Variants in CBX6 observed in about 807,000 individuals in gnomAD.
The protein encoded by CBX6 is chromobox 6, also known as chromobox protein homolog 6.
A neutral mutation model predicts 28.4 loss-of-function variants in CBX6; 7 were observed. The ratio of observed to expected loss-of-function variants is 0.25; its 90% CI spans 0.14 to 0.46. The LOEUF (loss-of-function observed/expected upper bound fraction) is 0.46. Among genes scored for constraint, CBX6 ranks in the 20% least tolerant of loss-of-function variants. The pLI is 0.99. For synonymous variants in CBX6, 297 were observed against 273.4 expected (o/e 1.09, Z -0.85); for missense variants, 512 against 606.1 (o/e 0.84, Z 1.63).
chr22:38,866,593 G>A lies in CBX6; in HGVS notation c.855C>T (p.Ser285=), dbSNP rs1441947092. Residue 285 remains serine (S), a synonymous_variant, in exon 5 of 5, where the codon TCC becomes TCT. Transcript: ENST00000407418. This position sits in a 1 kb window ranked among gnomAD's most constrained non-coding sequence, Gnocchi z 7.5. ...TGGGGGGCGTGTCGTCGGGGTCAGA[G>A]GACTGTGGTGTAGGCGAGGGGCAGC... is the stretch of plus-strand genomic sequence containing the variant. ...SSGCPSPTPQ[S]SDPDDTPPKL... 2 of 1,568,536 alleles carry A rather than the reference G, an allele frequency of 1.3e-6. No homozygotes were observed. Among genetic ancestry groups the A allele is most frequent in the Non-Finnish European group, 1.7e-6 (2 of 1,164,168 alleles).
rs1161971257 is a variant in CBX6, at chr22:38,862,243, A to C, written c.*3966T>G. ...CTGGGAGGGGGCATCTTTGGCCCCC[A>C]CTAACCATCTCCCTATTTCTGCATC... On this transcript the variant is annotated 3_prime_UTR_variant, in exon 5 of 5. Transcript: ENST00000407418. 1 of 152,254 alleles carries C rather than the reference A, an allele frequency of 6.6e-6. No homozygotes were observed. The highest frequency in any genetic ancestry group is 1.5e-5 in the Non-Finnish European group (1 of 68,072). The allele number at this position is 152,254 out of a possible 1,614,324, so 9.4% of individuals were successfully genotyped here. A position where few individuals can be genotyped will look rare whatever the true frequency, so the allele number is the denominator to read the frequency against.
chr22:38,866,491 G>C lies in CBX6; in HGVS notation c.957C>G (p.Pro319=). The C allele has an allele frequency of 1.9e-6, 3 of 1,594,030 alleles. No individual in the cohort carries two copies. The highest frequency in any genetic ancestry group is 1.3e-5 in the African/African-American group (1 of 74,876). The change falls in exon 5 of 5, where the codon CCC becomes CCG. Residue 319 remains proline (P), a synonymous_variant. Transcript: ENST00000407418. This position sits in a 1 kb window ranked among gnomAD's most constrained non-coding sequence, Gnocchi z 7.5. ...EPEVLDLSLP[P]ESAATSKRAP... ...CCCGCTTGCTGGTGGCTGCCGACTC[G>C]GGAGGGAGGGACAGGTCGAGCACCT...
chr22:38,866,270 T>G lies in CBX6; in HGVS notation c.1178A>C (p.Lys393Thr). Residue 393 changes from lysine to threonine, a missense_variant, in exon 5 of 5, where the codon AAG (lysine) becomes ACG (threonine). Around this residue, in one of 7 missense-constraint regions of CBX6, gnomAD observed 33 missense variants for 35.3 expected, o/e 0.94. Transcript: ENST00000407418. This position sits in a 1 kb window ranked among gnomAD's most constrained non-coding sequence, Gnocchi z 7.5. The stretch of plus-strand genomic sequence containing the variant: ...GGCGCCTGCTACCCCAGCAGCCACC[T>G]TCTCGAAATCCTCAGGGTTGCAGAA... ...KEFCNPEDFE[K>T]VAAGVAGAAG... The G allele has an allele frequency of 6.2e-7, 1 of 1,613,570 alleles. No homozygotes were observed. Among genetic ancestry groups the G allele is most frequent in the Non-Finnish European group, 8.5e-7 (1 of 1,179,716 alleles).
Position 38,867,077 on chromosome 22 carries a change from C to T in CBX6, c.371G>A (p.Arg124His), listed in dbSNP as rs1032873482. ...AAVHRLKKDI[R>H]RCHRMSRRPL... ...ACGGCGGGACATACGGTGGCAGCGGCGGATGTCCTTCTTGAGCCGGTGCAC... is the reference window on the plus strand; with the variant it reads ...ACGGCGGGACATACGGTGGCAGCGGTGGATGTCCTTCTTGAGCCGGTGCAC... The change falls in exon 5 of 5, where the codon CGC becomes CAC. Residue 124 changes from arginine (R) to histidine (H), a missense_variant. Transcript: ENST00000407418. 16 of 1,602,762 alleles carry T rather than the reference C, an allele frequency of 1.0e-5. No homozygotes were observed. Among genetic ancestry groups the T allele is most frequent in the African/African-American group, 1.3e-5 (1 of 74,680 alleles).
Position 38,872,053 on chromosome 22 carries a change from T to A in CBX6, c.69+69A>T, listed in dbSNP as rs1367323832. 1.5e-6 allele frequency: 2 copies of A among 1,301,208 alleles called. No homozygotes were observed. The highest frequency in any genetic ancestry group is 3.1e-5 in the African/African-American group (2 of 63,508). 80.6% of individuals were successfully genotyped at this position (1,301,208 alleles called of 1,614,324 possible). A position where few individuals can be genotyped will look rare whatever the true frequency, so the allele number is the denominator to read the frequency against. ...AGGGAGCCGGGCTAGCGGGACCGCT[T>A]CGCCCCGAGGGCCCCCGGCCCCGGC... On this transcript the variant is annotated intron_variant, in intron 1 of 4. Coordinates refer to ENST00000407418, the MANE Select transcript of CBX6 (RefSeq NM_014292.5). This position sits in a 1 kb window ranked among gnomAD's most constrained non-coding sequence, Gnocchi z 5.0.
In CBX6 at chr22:38,867,339, T is replaced by A. The variant is rs977230353; in HGVS notation, c.247-138A>T. ...CATTTAAGATAATCACTGGTCTTCA[T>A]GACCTCGACTTAGAAAAGGAAACAG... On this transcript the variant is annotated intron_variant, in intron 4 of 4. Transcript: ENST00000407418. 3.9e-6 allele frequency: 3 copies of A among 766,832 alleles called. No individual in the cohort carries two copies. The Admixed American group carries it at 9.0e-5, about 23-fold the overall frequency. The allele number at this position is 766,832 out of a possible 1,614,324, so 47.5% of individuals were successfully genotyped here.
chr22:38,866,469 G>A lies in CBX6; in HGVS notation c.979C>T (p.Arg327Trp), dbSNP rs901396555. The change falls in exon 5 of 5, where the codon CGG becomes TGG. Residue 327 changes from arginine to tryptophan, a missense_variant. Physicochemically the swap from Arg to Trp is moderately radical, Grantham distance 101 (BLOSUM62 -3). Coordinates refer to ENST00000407418, the MANE Select transcript of CBX6 (RefSeq NM_014292.5). This position sits in a 1 kb window ranked among gnomAD's most constrained non-coding sequence, Gnocchi z 7.5. ...LPPESAATSK[R>W]APPEVTAAAG... ...GCAGCTGTGACCTCAGGCGGTGCCC[G>A]CTTGCTGGTGGCTGCCGACTCGGGA... The A allele has an allele frequency of 1.2e-5, 19 of 1,602,560 alleles. No homozygotes were observed. The highest frequency in any genetic ancestry group is 4.0e-5 in the African/African-American group (3 of 74,864).
chr22:38,868,795 T>A (rs537583703), intron 4 of CBX6, among the ~76,000 whole-genome samples: 3 of 152,136 alleles, frequency 2.0e-5, no homozygotes, highest in Non-Finnish European at 4.4e-5. Context: ...CCCCACAGCA[T>A]TGGATGCTTA....
chr22:38,866,133 C>G lies in CBX6; in HGVS notation c.*76G>C, dbSNP rs1474320136. On this transcript the variant is annotated 3_prime_UTR_variant, in exon 5 of 5. Transcript: ENST00000407418. The surrounding 1 kb of genome is among the most constrained non-coding windows in gnomAD (Gnocchi z 7.5). ...AAGCACAGGGAGAGAGGGCTGGGGGCAAGGGTGGGGTGGGAGCAAGAGTAT... is the reference window on the plus strand; with the variant it reads ...AAGCACAGGGAGAGAGGGCTGGGGGGAAGGGTGGGGTGGGAGCAAGAGTAT... 1.1e-5 allele frequency: 12 copies of G among 1,061,058 alleles called. No individual in the cohort carries two copies. In the East Asian group the frequency reaches 2.6e-4, roughly 23 times the overall value. The allele number at this position is 1,061,058 out of a possible 1,614,324, so 65.7% of individuals were successfully genotyped here. A position where few individuals can be genotyped will look rare whatever the true frequency, so the allele number is the denominator to read the frequency against.
Position 38,871,435 on chromosome 22 carries a change from C to A in CBX6, c.246+45G>T. The A allele has an allele frequency of 6.4e-7, 1 of 1,561,812 alleles. No individual in the cohort carries two copies. Among genetic ancestry groups the A allele is most frequent in the South Asian group, 1.2e-5 (1 of 85,760 alleles). On this transcript the variant is annotated intron_variant, in intron 4 of 4. Coordinates refer to ENST00000407418, the MANE Select transcript of CBX6 (RefSeq NM_014292.5). This position sits in a 1 kb window ranked among gnomAD's most constrained non-coding sequence, Gnocchi z 5.6. ...TTCCAGGCCCCGTGCTGTGCCGGGG[C>A]TGGGGGCCCGAGAGGGGGATGCTGC...
Position 38,871,925 on chromosome 22 carries a change from C to T in CBX6, c.90G>A (p.Val30=), listed in dbSNP as rs1374151577. 4 of 1,543,284 alleles carry T rather than the reference C, an allele frequency of 2.6e-6. No homozygotes were observed. In the Admixed American group the frequency reaches 7.9e-5, roughly 31 times the overall value. Residue 30 remains valine, a synonymous_variant, in exon 2 of 5, where the codon GTG becomes GTA. Transcript: ENST00000407418. This position sits in a 1 kb window ranked among gnomAD's most constrained non-coding sequence, Gnocchi z 5.6. Reference sequence around the variant, plus strand: ...ACTTGATCGCCCACCCCTTCCATTTCACCAGGTACTCGATGCGTCCCTGAA... The same window carrying T: ...ACTTGATCGCCCACCCCTTCCATTTTACCAGGTACTCGATGCGTCCCTGAA... ...RIRKGRIEYL[V]KWKGWAIKYS... is the part of the protein sequence containing the mutation.
At position 38,867,002 on chromosome 22, in the gene CBX6, G is replaced by A. The variant is rs2093172064; in HGVS notation, c.446C>T (p.Pro149Leu). The change falls in exon 5 of 5, where the codon CCC becomes CTC. Residue 149 changes from proline (P) to leucine (L), a missense_variant. Physicochemically the swap from Pro to Leu is moderately conservative, Grantham distance 98. This residue lies in a region of CBX6 where 123 missense variants were observed against 138.1 expected (regional missense o/e 0.89). Transcript: ENST00000407418. ...CACCGTCTCCGAGAAGGGCGAAATG[G>A]GCGGGCGCAGTCCGGGGCTGCCCCC... ...PQGGSPGLRP[P>L]ISPFSETVRI... 3.1e-6 allele frequency: 5 copies of A among 1,607,398 alleles called. No homozygotes were observed. The East Asian group carries it at 8.9e-5, about 29-fold the overall frequency.
chr22:38,861,886 G>A lies in CBX6; in HGVS notation c.*4323C>T, dbSNP rs1327032611. The A allele has an allele frequency of 6.6e-6, 1 of 152,164 alleles. No homozygotes were observed. The highest frequency in any genetic ancestry group is 1.5e-5 in the Non-Finnish European group (1 of 68,034). 9.4% of individuals were successfully genotyped at this position (152,164 alleles called of 1,614,324 possible). ...CCTCCCCAAATATAGAGCTATATAT[G>A]TATATTTTATATATATAGAATTCAT... is the stretch of plus-strand genomic sequence containing the variant. On this transcript the variant is annotated 3_prime_UTR_variant, in exon 5 of 5. Coordinates refer to ENST00000407418, the MANE Select transcript of CBX6 (RefSeq NM_014292.5).
In CBX6 at chr22:38,867,115, G is replaced by A; in HGVS notation, c.333C>T (p.His111=). ...PSASASSPKL[H]SSAAVHRLKK... is the part of the protein sequence containing the mutation. ...TGAGCCGGTGCACGGCTGCGCTGGA[G>A]TGCAGCTTGGGCGAGGAGGCACTGG... The change falls in exon 5 of 5, where the codon CAC becomes CAT. Residue 111 remains histidine (H), a synonymous_variant. Transcript: ENST00000407418. 1 of 1,589,344 alleles carries A rather than the reference G, an allele frequency of 6.3e-7. No homozygotes were observed. Among genetic ancestry groups the A allele is most frequent in the African/African-American group, 1.3e-5 (1 of 74,500 alleles).
At chr22:38,867,734 C>T (rs1603250363) in intron 4 of CBX6, among the ~76,000 whole-genome samples, 2 of 152,366 alleles carry the variant, frequency 1.3e-5, no homozygotes, top group Non-Finnish European at 2.9e-5. Flanking sequence ...TACTCTCTCG[C>T]CTTTGAGCAG....
At position 38,872,065 on chromosome 22, in the gene CBX6, C is replaced by CCCCCGG. The variant is rs1466579369; in HGVS notation, c.69+51_69+56dup. 7.8e-6 allele frequency: 10 copies of CCCCCGG among 1,283,708 alleles called. No individual in the cohort carries two copies. The highest frequency in any genetic ancestry group is 4.2e-5 in the Admixed American group (1 of 23,582). 79.5% of individuals were successfully genotyped at this position (1,283,708 alleles called of 1,614,324 possible). A position where few individuals can be genotyped will look rare whatever the true frequency, so the allele number is the denominator to read the frequency against. ...TAGCGGGACCGCTTCGCCCCGAGGG[C>CCCCCGG]CCCCGGCCCCGGCCCCGGCTGCGGA... On this transcript the variant is annotated intron_variant, in intron 1 of 4. Coordinates refer to ENST00000407418, the MANE Select transcript of CBX6 (RefSeq NM_014292.5). The surrounding 1 kb of genome is among the most constrained non-coding windows in gnomAD (Gnocchi z 5.0).
At position 38,872,181 on chromosome 22, in the gene CBX6, A is replaced by C; in HGVS notation, c.10T>G (p.Ser4Ala). The C allele has an allele frequency of 7.1e-7, 1 of 1,412,204 alleles. No individual in the cohort carries two copies. Among genetic ancestry groups the C allele is most frequent in the Non-Finnish European group, 9.4e-7 (1 of 1,064,942 alleles). 87.5% of individuals were successfully genotyped at this position (1,412,204 alleles called of 1,614,324 possible). MELSAVGERVFAAE... is the reference protein window; with the variant it reads MELAAVGERVFAAE... ...GCGAAGACCCGCTCGCCCACTGCAG[A>C]CAGCTCCATCTTGCTCAGCGGCACC... The change falls in exon 1 of 5, where the codon TCT (serine) becomes GCT (alanine). Residue 4 changes from serine (S) to alanine (A), a missense_variant. Ser to Ala is a moderately conservative substitution (Grantham distance 99). This residue lies in a region of CBX6 where 27 missense variants were observed against 30.9 expected (regional missense o/e 0.87). Transcript: ENST00000407418. The surrounding 1 kb of genome is among the most constrained non-coding windows in gnomAD (Gnocchi z 5.0).
rs1163828708 is a variant in CBX6, at chr22:38,863,312, G to C, written c.*2897C>G. 1.3e-5 allele frequency: 2 copies of C among 152,132 alleles called. No homozygotes were observed. The highest frequency in any genetic ancestry group is 2.9e-5 in the Non-Finnish European group (2 of 68,020). The allele number at this position is 152,132 out of a possible 1,614,324, so 9.4% of individuals were successfully genotyped here. ...GGGTGGGGAGGGGGCGCACTTAAGG[G>C]GAGATGACGGATGCCCCAACCAATA... On this transcript the variant is annotated 3_prime_UTR_variant, in exon 5 of 5. Coordinates refer to ENST00000407418, the MANE Select transcript of CBX6 (RefSeq NM_014292.5).
rs1289541778 is a variant in CBX6, at chr22:38,866,192, T to A, written c.*17A>T. ...GCAGGAGGGCCCCCCCAAGCCCCCC[T>A]CCTTGGTGGAGCCCCCTCACTTGCT... On this transcript the variant is annotated 3_prime_UTR_variant, in exon 5 of 5. Transcript: ENST00000407418. This position sits in a 1 kb window ranked among gnomAD's most constrained non-coding sequence, Gnocchi z 7.5. 6.2e-6 allele frequency: 9 copies of A among 1,460,758 alleles called. No homozygotes were observed. The highest frequency in any genetic ancestry group is 2.3e-5 in the East Asian group (1 of 42,928). The allele number at this position is 1,460,758 out of a possible 1,614,324, so 90.5% of individuals were successfully genotyped here. A position where few individuals can be genotyped will look rare whatever the true frequency, so the allele number is the denominator to read the frequency against.
Sources: gnomAD v4.1 joint callset for allele counts (sites outside exome capture counted in the v4.1 genomes callset) on GRCh38, gnomAD v4.1.1 for gene constraint, gnomAD v4.1.1 regional missense constraint, Gnocchi (gnomAD v3.1) non-coding constraint, MANE v1.5 for transcripts, NCBI Gene and HGNC (gene_info 2026-07-23, HGNC 2026-07-21) for gene names.